The following PRKAR2B variants were observed in gnomAD, a reference collection of about 807,000 sequenced individuals.
PRKAR2B encodes the protein cAMP-dependent protein kinase type II-beta regulatory subunit.
In PRKAR2B, 14 loss-of-function variants were observed where a neutral mutation model predicts 49.9. That is an observed-to-expected ratio of 0.28 (90% CI 0.19 to 0.44). The LOEUF is 0.44. PRKAR2B is among the 20% of genes least tolerant of loss of function. The pLI is 1.00. For synonymous variants in PRKAR2B, 196 were observed against 197.7 expected (o/e 0.99, Z 0.07); for missense variants, 393 against 537.9 (o/e 0.73, Z 2.67).
intron 2 of PRKAR2B, among the ~76,000 whole-genome samples, chr7:107,112,855 G>A (rs929499577): frequency 6.6e-6 from 1 of 151,916 alleles, no homozygotes; most frequent in South Asian, 2.1e-4. Flanking sequence ...ATATTTAATA[G>A]CATCAATAAT....
At chr7:107,093,416 G>A (rs1015694848) in intron 2 of PRKAR2B, among the ~76,000 whole-genome samples, 5 of 151,932 alleles carry the variant, frequency 3.3e-5, no homozygotes, top group Non-Finnish European at 7.4e-5. Context: ...AACCTAATGG[G>A]TATGAAGTAT....
intron 1 of PRKAR2B, among the ~76,000 whole-genome samples, chr7:107,048,934 A>G (rs548543641): frequency 2.6e-5 from 4 of 152,254 alleles, no homozygotes; most frequent in Non-Finnish European, 4.4e-5. Context: ...GAAAGAAGCC[A>G]TAATGGAAAC....
At chr7:107,108,570 C>T (rs1305924568) in intron 2 of PRKAR2B, among the ~76,000 whole-genome samples, 1 of 152,142 alleles carries the variant, frequency 6.6e-6, no homozygotes, top group African/African-American at 2.4e-5. Flanking sequence ...AGAGGGGAGA[C>T]TCACCTGTCC....
intron 1 of PRKAR2B, among the ~76,000 whole-genome samples, chr7:107,052,162 A>G (rs1453667470): frequency 6.6e-6 from 1 of 152,178 alleles, no homozygotes; most frequent in East Asian, 1.9e-4. Flanking sequence ...TCATGTCTAT[A>G]ATTCCCAGCA....
chr7:107,099,199 C>T (rs1794907454), intron 2 of PRKAR2B, among the ~76,000 whole-genome samples: 2 of 152,336 alleles, frequency 1.3e-5, no homozygotes, highest in East Asian at 1.9e-4. Flanking sequence ...TGTTTACCTA[C>T]TCAAGCCTCA....
At chr7:107,045,890 T>C (rs1166870621) in intron 1 of PRKAR2B, among the ~76,000 whole-genome samples, 1 of 152,226 alleles carries the variant, frequency 6.6e-6, no homozygotes, top group Non-Finnish European at 1.5e-5. Flanking sequence ...GGAAATGGGT[T>C]AATGGTTTGC....
chr7:107,097,121 C>T (rs994347490), intron 2 of PRKAR2B, among the ~76,000 whole-genome samples: 1 of 152,110 alleles, frequency 6.6e-6, no homozygotes, highest in African/African-American at 2.4e-5. Flanking sequence ...GTTAAAGTCT[C>T]CCATTATTAT....
chr7:107,121,568 A>G (rs919262725), intron 2 of PRKAR2B, among the ~76,000 whole-genome samples: 1 of 152,166 alleles, frequency 6.6e-6, no homozygotes, highest in Non-Finnish European at 1.5e-5. Flanking sequence ...TAGATTATGG[A>G]TAATTTGTGA....
rs185934725 is a variant in PRKAR2B at position 107,103,602 on chromosome 7, G to A, written c.344-18350G>A. Among the ~76,000 whole-genome samples, 8 of 152,332 alleles carry A rather than the reference G, an allele frequency of 5.3e-5. No individual in the cohort carries two copies. In the East Asian group the frequency reaches 1.5e-3, roughly 29 times the overall value. ...AAACTAACCAGAAATTTAACAGGAA[G>A]TGAGACAGTCACAGAGGCACTTGAT... On this transcript the variant is annotated intron_variant, in intron 2 of 10. Transcript: ENST00000265717.
intron 2 of PRKAR2B, among the ~76,000 whole-genome samples, chr7:107,118,979 T>G (rs1007200337): frequency 4.6e-5 from 7 of 152,114 alleles, no homozygotes; most frequent in Non-Finnish European, 8.8e-5. Flanking sequence ...TATAGTTCAG[T>G]GAAACAGCCC....
At chr7:107,075,194 T>C (rs1383807170) in intron 2 of PRKAR2B, among the ~76,000 whole-genome samples, 2 of 150,648 alleles carry the variant, frequency 1.3e-5, no homozygotes, top group Non-Finnish European at 3.0e-5. Flanking sequence ...CCTCTGCCTC[T>C]TGGGTTCAAG....
intron 2 of PRKAR2B, among the ~76,000 whole-genome samples, 197 bp downstream of exon 2, chr7:107,070,513 C>T (rs1170829695): frequency 6.6e-6 from 1 of 152,164 alleles, no homozygotes; most frequent in Non-Finnish European, 1.5e-5. Flanking sequence ...GAAGCAATTT[C>T]AAATGCAATT....
chr7:107,073,618 A>G (rs1444108498), intron 2 of PRKAR2B, among the ~76,000 whole-genome samples: 1 of 152,200 alleles, frequency 6.6e-6, no homozygotes, highest in Non-Finnish European at 1.5e-5. Context: ...ATCCAGATAT[A>G]TCTCTGATAG....
chr7:107,145,499 T>C (rs1795872516), intron 5 of PRKAR2B, among the ~76,000 whole-genome samples: 1 of 152,218 alleles, frequency 6.6e-6, no homozygotes, highest in Non-Finnish European at 1.5e-5. Context: ...CGAATATGCC[T>C]AGAATCCCTC....
At chr7:107,081,485 C>T (rs1234622117) in intron 2 of PRKAR2B, among the ~76,000 whole-genome samples, 1 of 145,156 alleles carries the variant, frequency 6.9e-6, no homozygotes, top group Admixed American at 7.3e-5. Flanking sequence ...TCTCTGAGAG[C>T]CCAGCAATAT....
At chr7:107,051,996 G>A (rs891570627) in intron 1 of PRKAR2B, among the ~76,000 whole-genome samples, 8 of 152,158 alleles carry the variant, frequency 5.3e-5, no homozygotes, top group Non-Finnish European at 1.0e-4. Context: ...GAAAAAAGCC[G>A]TTTGTTCCAT....
rs559158098 is a variant in PRKAR2B at position 107,122,341 on chromosome 7, T to C, written c.396+337T>C. 4.6e-5 allele frequency among the ~76,000 whole-genome samples: 7 copies of C among 152,344 alleles called. No homozygotes were observed. The East Asian group carries it at 1.2e-3, about 25-fold the overall frequency. On this transcript the variant is annotated intron_variant, in intron 3 of 10. Coordinates refer to ENST00000265717, the MANE Select transcript of PRKAR2B (RefSeq NM_002736.3). ...AAGACCTTCTACGCCTATTAATTTA[T>C]AACAACGGAAAGTTACTCTGAAACA...
In PRKAR2B at chr7:107,145,038, GA is replaced by G. The variant is rs543340910; in HGVS notation, c.588-1265del. ...ATGCAAACTGAACCTTATTTGCCTA[GA>G]AAAAGAACCCCAGTTAAAAGATAAG... On this transcript the variant is annotated intron_variant, in intron 5 of 10. Transcript: ENST00000265717. 9.9e-5 allele frequency among the ~76,000 whole-genome samples: 15 copies of G among 152,092 alleles called. No individual in the cohort carries two copies. The East Asian group carries it at 2.9e-3, about 29-fold the overall frequency.
At chr7:107,099,639 CTTT>C (rs71134250) in intron 2 of PRKAR2B, among the ~76,000 whole-genome samples, 13 of 134,286 alleles carry the variant, frequency 9.7e-5, no homozygotes, top group Admixed American at 7.6e-5. Context: ...CATGAGAAAT[CTTT>C]TTTTTTTTTT....
Sources: gnomAD v4.1 joint callset for allele counts (sites outside exome capture counted in the v4.1 genomes callset) on GRCh38, gnomAD v4.1.1 for gene constraint, MANE v1.5 for transcripts, NCBI Gene and HGNC (gene_info 2026-07-23, HGNC 2026-07-21) for gene names.